Variants in CTNNA2 observed in about 807,000 individuals in gnomAD.
CTNNA2 encodes catenin alpha-2.
Under a neutral mutation model 101.0 loss-of-function variants are expected in CTNNA2, and 42 were observed. That is an observed-to-expected ratio of 0.42 (90% CI 0.32 to 0.54). CTNNA2 has a LOEUF of 0.54. Ranked by LOEUF, CTNNA2 falls within the 20% of genes least tolerant of loss-of-function variation. The probability of loss-of-function intolerance (pLI) is 0.14; values close to 1 mark genes in which losing one functional copy is unlikely to be tolerated. For missense variants in CTNNA2, 871 were observed against 1,223.1 expected (o/e 0.71, Z 4.29); for synonymous variants, 450 against 456.4 (o/e 0.99, Z 0.18).
At chr2:79,859,601 C>G (rs1681423536) in intron 4 of CTNNA2, among the ~76,000 whole-genome samples, 1 of 148,428 alleles carries the variant, frequency 6.7e-6, no homozygotes, top group Non-Finnish European at 1.5e-5. Flanking sequence ...CACCAAGAAA[C>G]TGCTTGGAAG....
chr2:79,294,608 T>C (rs866249821), intron 2 of CTNNA2, among the ~76,000 whole-genome samples: 1 of 152,162 alleles, frequency 6.6e-6, no homozygotes, highest in African/African-American at 2.4e-5. Context: ...ATAGAGACTT[T>C]GGGTTAAAAT....
chr2:80,120,443 T>C (rs1234523712), intron 7 of CTNNA2, among the ~76,000 whole-genome samples: 2 of 152,170 alleles, frequency 1.3e-5, no homozygotes, highest in East Asian at 3.9e-4. Flanking sequence ...CGAGTGCTCA[T>C]TGGATCCTCC....
At chr2:80,478,613 G>A (rs753199141) in intron 9 of CTNNA2, among the ~76,000 whole-genome samples, 22 of 152,002 alleles carry the variant, frequency 1.4e-4, no homozygotes, top group Non-Finnish European at 2.5e-4. Context: ...TATTTTCCCA[G>A]CACTATTTGT....
intron 2 of CTNNA2, among the ~76,000 whole-genome samples, chr2:79,307,738 T>C (rs955124257): frequency 6.6e-6 from 1 of 152,200 alleles, no homozygotes; most frequent in African/African-American, 2.4e-5. Flanking sequence ...ACATGCCCAG[T>C]AGTGGGATTG....
intron 7 of CTNNA2, among the ~76,000 whole-genome samples, chr2:80,198,855 G>T (rs1707011264): frequency 1.3e-5 from 2 of 151,898 alleles, no homozygotes; most frequent in Non-Finnish European, 2.9e-5. Context: ...GTTTTGTTTT[G>T]TTTCCTTAAA....
intron 9 of CTNNA2, among the ~76,000 whole-genome samples, chr2:80,486,232 G>A (rs1204975054): frequency 6.6e-6 from 1 of 152,104 alleles, no homozygotes; most frequent in Non-Finnish European, 1.5e-5. Context: ...GATAGTGTGG[G>A]GAATATGGCC....
At chr2:79,908,869 C>T (rs1168079859) in intron 6 of CTNNA2, among the ~76,000 whole-genome samples, 2 of 152,192 alleles carry the variant, frequency 1.3e-5, no homozygotes, top group South Asian at 4.1e-4. Flanking sequence ...CATCTCTGCC[C>T]ACATGTTTCC....
chr2:79,639,932 T>TTGTG lies in CTNNA2; in HGVS notation c.-5-11593_-5-11590dup, dbSNP rs60058512. Among the ~76,000 whole-genome samples the TTGTG allele has an allele frequency of 9.5e-3, 1,377 of 145,200 alleles. 14 individuals are homozygous for TTGTG. The highest frequency in any genetic ancestry group is 0.032 in the African/African-American group (1,247 of 39,366). The stretch of plus-strand genomic sequence containing the variant: ...CATTTGTATTTTATTTTAACTATAA[T>TTGTG]TGTGTGTGTGTGTGTGTGTGTGTGT... On this transcript the variant is annotated intron_variant, in intron 1 of 18. Coordinates refer to ENST00000402739, the MANE Select transcript of CTNNA2 (RefSeq NM_001282597.3).
intron 9 of CTNNA2, among the ~76,000 whole-genome samples, chr2:80,469,899 T>C (rs1325876492): frequency 6.6e-6 from 1 of 152,196 alleles, no homozygotes; most frequent in Non-Finnish European, 1.5e-5. Flanking sequence ...TTTTTCATCA[T>C]GTTCTTGCAA....
At chr2:80,074,665 G>A (rs912451304) in intron 7 of CTNNA2, among the ~76,000 whole-genome samples, 2 of 152,160 alleles carry the variant, frequency 1.3e-5, no homozygotes, top group Non-Finnish European at 2.9e-5. Context: ...GACCATTTGT[G>A]TATTAGACGC....
intron 7 of CTNNA2, among the ~76,000 whole-genome samples, chr2:80,012,511 A>G (rs770326926): frequency 6.6e-6 from 1 of 152,180 alleles, no homozygotes; most frequent in Non-Finnish European, 1.5e-5. Context: ...CATTTTCTGT[A>G]AAGGACTAGA....
At chr2:80,046,305 C>G (rs536990259) in intron 7 of CTNNA2, among the ~76,000 whole-genome samples, 33 of 152,172 alleles carry the variant, frequency 2.2e-4, no homozygotes, top group African/African-American at 7.9e-4. Flanking sequence ...AGGTTAAATG[C>G]CCAAAAATGC....
intron 1 of CTNNA2, among the ~76,000 whole-genome samples, chr2:79,590,546 C>G (rs1349969480): frequency 6.6e-6 from 1 of 152,090 alleles, no homozygotes; most frequent in Non-Finnish European, 1.5e-5. Flanking sequence ...TCTCATCTAT[C>G]ATTTTCTCAA....
intron 2 of CTNNA2, among the ~76,000 whole-genome samples, chr2:79,265,449 G>T (rs1302151664): frequency 6.6e-6 from 1 of 152,070 alleles, no homozygotes; most frequent in African/African-American, 2.4e-5. Context: ...AGAATGTTGT[G>T]CCTGGAAAGA....
intron 7 of CTNNA2, among the ~76,000 whole-genome samples, chr2:80,344,213 T>C (rs919651506): frequency 1.3e-5 from 2 of 152,144 alleles, no homozygotes; most frequent in Admixed American, 1.3e-4. Context: ...TCCTCCTTCA[T>C]GGATTTCTTT....
chr2:80,009,133 A>G (rs1348654573), intron 7 of CTNNA2, among the ~76,000 whole-genome samples: 1 of 152,208 alleles, frequency 6.6e-6, no homozygotes, highest in Non-Finnish European at 1.5e-5. Flanking sequence ...GGAACATCCC[A>G]TGATCCAAAG....
intron 3 of CTNNA2, among the ~76,000 whole-genome samples, chr2:79,779,223 A>T (rs1225987039): frequency 6.6e-6 from 1 of 152,108 alleles, no homozygotes; most frequent in Non-Finnish European, 1.5e-5. Context: ...GCCTTTCAGG[A>T]AGAAAACTTC....
At chr2:79,833,141 C>T (rs1467343627) in intron 3 of CTNNA2, among the ~76,000 whole-genome samples, 2 of 152,138 alleles carry the variant, frequency 1.3e-5, no homozygotes, top group African/African-American at 4.8e-5. Context: ...TCCTCAAAAG[C>T]TCAATATTCC....
chr2:79,657,704 A>G (rs1014189814), intron 2 of CTNNA2, among the ~76,000 whole-genome samples: 3 of 151,866 alleles, frequency 2.0e-5, no homozygotes, highest in Non-Finnish European at 4.4e-5. Flanking sequence ...CTATTAGTAA[A>G]TAGCACCCAG....
Sources: allele counts gnomAD v4.1 joint callset (sites outside exome capture counted in the v4.1 genomes callset), GRCh38; gene constraint gnomAD v4.1.1; transcripts MANE v1.5; gene names NCBI Gene and HGNC (gene_info 2026-07-23, HGNC 2026-07-21).